The following UGGT2 variants were observed in gnomAD, a reference collection of about 807,000 sequenced individuals.
The protein encoded by UGGT2 is UDP-glucose glycoprotein glucosyltransferase 2, also known as UDP-glucose:glycoprotein glucosyltransferase 2.
In UGGT2, 180 loss-of-function variants were observed where a neutral mutation model predicts 192.1. The ratio of observed to expected loss-of-function variants is 0.94; its 90% CI spans 0.83 to 1.06. The LOEUF (loss-of-function observed/expected upper bound fraction) is 1.06. Ranked by LOEUF, UGGT2 falls within the 50% of genes least tolerant of loss-of-function variation. The probability of loss-of-function intolerance (pLI) is 0.00; values close to 1 mark genes in which losing one functional copy is unlikely to be tolerated. For synonymous variants in UGGT2, 580 were observed against 591.0 expected (o/e 0.98, Z 0.27); for missense variants, 1,849 against 1,795.7 (o/e 1.03, Z -0.54).
rs1204286875 is a variant in UGGT2 at position 96,000,529 on chromosome 13, G to C, written c.661-1222C>G. On this transcript the variant is annotated intron_variant, in intron 5 of 38. Coordinates refer to ENST00000376747, the MANE Select transcript of UGGT2 (RefSeq NM_020121.4). ...GGGTTATTTCTAATTACAGTAATCT[G>C]ACAAAGATGAAAATTTTTTAGAGTT... Among the ~76,000 whole-genome samples, 3 of 152,164 alleles carry C rather than the reference G, an allele frequency of 2.0e-5. No individual in the cohort carries two copies. In the East Asian group the frequency reaches 5.8e-4, roughly 29 times the overall value.
chr13:95,968,641 T>C (rs1458964048), intron 12 of UGGT2, among the ~76,000 whole-genome samples: 2 of 152,196 alleles, frequency 1.3e-5, no homozygotes, highest in African/African-American at 4.8e-5. Flanking sequence ...CTCTGCCCTC[T>C]GCTGCGAATT....
intron 30 of UGGT2, among the ~76,000 whole-genome samples, chr13:95,865,182 T>C (rs1250015146): frequency 6.6e-6 from 1 of 152,212 alleles, no homozygotes; most frequent in African/African-American, 2.4e-5. Context: ...TTTACAACAC[T>C]TTCCCTCCTC....
chr13:96,041,289 A>C (rs919691930), intron 1 of UGGT2, among the ~76,000 whole-genome samples: 34 of 152,090 alleles, frequency 2.2e-4, no homozygotes, highest in Admixed American at 2.2e-3. Flanking sequence ...GGCTGAGTCA[A>C]TTTAGAGAGC....
intron 21 of UGGT2, among the ~76,000 whole-genome samples, chr13:95,901,543 T>A (rs1566661784): frequency 1.3e-5 from 2 of 152,160 alleles, no homozygotes; most frequent in Admixed American, 1.3e-4. Flanking sequence ...TCACCTGGTA[T>A]CTTATTAAAA....
At chr13:95,854,103 G>A (rs1371286172) in intron 35 of UGGT2, among the ~76,000 whole-genome samples, 1 of 152,088 alleles carries the variant, frequency 6.6e-6, no homozygotes, top group Non-Finnish European at 1.5e-5. Flanking sequence ...CAAAATGGAG[G>A]TAATAACAGT....
At chr13:96,043,490 C>A (rs1434033912) in intron 1 of UGGT2, among the ~76,000 whole-genome samples, 2 of 152,000 alleles carry the variant, frequency 1.3e-5, no homozygotes, top group African/African-American at 4.8e-5. Context: ...CAACAAATAG[C>A]ACAATGAATA....
Position 96,053,357 on chromosome 13 carries a change from G to A in UGGT2, c.-45C>T, listed in dbSNP as rs767023763. 8.4e-6 allele frequency: 13 copies of A among 1,553,978 alleles called. No homozygotes were observed. In the South Asian group the frequency reaches 1.3e-4, roughly 16 times the overall value. On this transcript the variant is annotated 5_prime_UTR_variant, in exon 1 of 39. Coordinates refer to ENST00000376747, the MANE Select transcript of UGGT2 (RefSeq NM_020121.4). ...GAGTCCCTCGGACCCGGTACCCACA[G>A]TCTGTGGCCGCCACGCTTCGGCCGG...
intron 12 of UGGT2, among the ~76,000 whole-genome samples, chr13:95,964,051 A>G (rs2050488266): frequency 6.6e-6 from 1 of 152,176 alleles, no homozygotes; most frequent in Non-Finnish European, 1.5e-5. Context: ...AACTGGATGC[A>G]TCACACCACC....
intron 6 of UGGT2, among the ~76,000 whole-genome samples, chr13:95,997,186 TGAGGTGTCTATGACAGGATA>T (rs2051650512): frequency 6.6e-6 from 1 of 152,144 alleles, no homozygotes; most frequent in South Asian, 2.1e-4. Flanking sequence ...CTGCTTACTA[TGAGGTGTCTATGACAGGATA>T]GACACCAAGA....
chr13:96,012,568 T>C (rs530183149), intron 5 of UGGT2, among the ~76,000 whole-genome samples: 16 of 152,054 alleles, frequency 1.1e-4, no homozygotes, highest in Non-Finnish European at 1.9e-4. Context: ...AATTCAAAAA[T>C]AGGCAAAGGC....
chr13:95,985,012 C>T (rs1269722463), intron 9 of UGGT2: 1 of 160,786 alleles, frequency 6.2e-6, no homozygotes, highest in African/African-American at 2.4e-5. Context: ...ACAATTTAGC[C>T]ATTAAGCAAT....
At chr13:95,899,933 GCATTAGAA>G (rs2048054508) in intron 22 of UGGT2, among the ~76,000 whole-genome samples, 1 of 152,060 alleles carries the variant, frequency 6.6e-6, no homozygotes, top group African/African-American at 2.4e-5. Flanking sequence ...CATTAAGAGT[GCATTAGAA>G]CTTTGAAGAT....
In UGGT2 at chr13:95,841,311, TG is replaced by T. The variant is rs1325532943; in HGVS notation, c.4285-4110del. Reference sequence around the variant, plus strand: ...TAAATTGGTTATTTTCCTTTGCTATTGAGTTATGGGAGTTCTTGAGAGCTTG... The same window carrying T: ...TAAATTGGTTATTTTCCTTTGCTATTAGTTATGGGAGTTCTTGAGAGCTTG... On this transcript the variant is annotated intron_variant, in intron 36 of 38. Coordinates refer to ENST00000376747, the MANE Select transcript of UGGT2 (RefSeq NM_020121.4). Among the ~76,000 whole-genome samples, 8 of 152,332 alleles carry T rather than the reference TG, an allele frequency of 5.3e-5. No individual in the cohort carries two copies. In the East Asian group the frequency reaches 1.3e-3, roughly 26 times the overall value.
intron 13 of UGGT2, 39 bp from the exon 14 acceptor site, chr13:95,948,120 T>C (rs747772109): frequency 6.7e-7 from 1 of 1,497,036 alleles, no homozygotes; most frequent in Admixed American, 1.9e-5. Flanking sequence ...TTCAACACCT[T>C]AGAATCTTCA....
chr13:95,877,654 CACCAAA>C (rs1891835123), intron 28 of UGGT2, 38 bp downstream of exon 28: 3 of 1,567,356 alleles, frequency 1.9e-6, no homozygotes, highest in Non-Finnish European at 2.6e-6. Context: ...ACAGAGAATT[CACCAAA>C]ACATCAAATT....
chr13:95,947,903 C>T (rs1448909013), intron 14 of UGGT2, 93 bp downstream of exon 14: 27 of 1,023,708 alleles, frequency 2.6e-5, no homozygotes, highest in Non-Finnish European at 3.5e-5. Context: ...CTAACCATCG[C>T]TTTGAATGCC....
chr13:96,002,781 G>A (rs2051848795), intron 5 of UGGT2, among the ~76,000 whole-genome samples: 1 of 152,132 alleles, frequency 6.6e-6, no homozygotes, highest in Non-Finnish European at 1.5e-5. Context: ...TTATTGTAGG[G>A]CAAGTCCCCA....
chr13:96,005,523 C>A lies in UGGT2; in HGVS notation c.661-6216G>T, dbSNP rs184950284. The stretch of plus-strand genomic sequence containing the variant: ...TCCCCTATAGAACCAAAGCCTTAAT[C>A]TTCAGAGGCAAGGGCAACAAAATTG... On this transcript the variant is annotated intron_variant, in intron 5 of 38. Transcript: ENST00000376747. Among the ~76,000 whole-genome samples, 54 of 152,286 alleles carry A rather than the reference C, an allele frequency of 3.5e-4. 1 individual carries two copies. Among genetic ancestry groups the A allele is most frequent in the Admixed American group, 2.2e-3 (33 of 15,296 alleles).
chr13:95,993,477 A>G (rs2051519677), intron 7 of UGGT2, among the ~76,000 whole-genome samples: 1 of 152,052 alleles, frequency 6.6e-6, no homozygotes, highest in Admixed American at 6.5e-5. Context: ...TTAATCCCAT[A>G]AAAAGTTATA....
Sources: gnomAD v4.1 joint callset for allele counts (sites outside exome capture counted in the v4.1 genomes callset) on GRCh38, gnomAD v4.1.1 for gene constraint, MANE v1.5 for transcripts, NCBI Gene and HGNC (gene_info 2026-07-23, HGNC 2026-07-21) for gene names.